Variants in RYK observed in about 807,000 individuals in gnomAD.
RYK encodes inactive tyrosine-protein kinase RYK.
In RYK, 21 loss-of-function variants were observed where a neutral mutation model predicts 70.2. The observed-to-expected ratio is 0.30, with a 90% CI of 0.21 to 0.43. The LOEUF (loss-of-function observed/expected upper bound fraction) is 0.43, where lower values mean the gene tolerates loss of function less well. Among genes scored for constraint, RYK ranks in the 20% least tolerant of loss-of-function variants. The pLI is 1.00. For synonymous variants in RYK, 267 were observed against 278.0 expected, an observed-to-expected ratio of 0.96 and a Z score of 0.39; for missense variants, 604 against 753.3, an observed-to-expected ratio of 0.80 and a Z score of 2.32.
rs61441674 is a variant in RYK, at chr3:134,216,792, CAAAAAAAAAAAAAAAA to C, written c.355-5201_355-5186del. On this transcript the variant is annotated intron_variant, in intron 2 of 14. Transcript: ENST00000623711. ...TGGGCGACAGAGTGAGACTCTGTCT[CAAAAAAAAAAAAAAAA>C]AAAAAAAAAAAAAGCTACTGACACT... Among the ~76,000 whole-genome samples the C allele has an allele frequency of 1.3e-4, 5 of 37,426 alleles. 1 individual carries two copies. In the Admixed American group the frequency reaches 1.8e-3, roughly 13 times the overall value. 24.6% of individuals were successfully genotyped at this position (37,426 alleles called of 152,430 possible).
intron 2 of RYK, among the ~76,000 whole-genome samples, chr3:134,215,485 A>C (rs2014523623): frequency 6.6e-6 from 1 of 152,230 alleles, no homozygotes; most frequent in African/African-American, 2.4e-5. Flanking sequence ...AGGCATTCAC[A>C]AGGTAGTTCT....
At chr3:134,166,640 T>C (rs1400517671) in intron 13 of RYK, among the ~76,000 whole-genome samples, 2 of 152,208 alleles carry the variant, frequency 1.3e-5, no homozygotes, top group African/African-American at 4.8e-5. Flanking sequence ...ATCAGATGCA[T>C]AGACATTACT....
chr3:134,161,737 C>T (rs2108139190), intron 13 of RYK, among the ~76,000 whole-genome samples: 1 of 152,282 alleles, frequency 6.6e-6, no homozygotes, highest in African/African-American at 2.4e-5. Context: ...TATAGCCCTA[C>T]ATCTATTAAA....
At chr3:134,243,042 T>C (rs561303601) in intron 1 of RYK, among the ~76,000 whole-genome samples, 2 of 152,318 alleles carry the variant, frequency 1.3e-5, no homozygotes, top group East Asian at 3.9e-4. Context: ...GCCAGACTCA[T>C]GGGCAGAGGA....
intron 1 of RYK, among the ~76,000 whole-genome samples, chr3:134,223,862 A>G (rs1413435704): frequency 6.6e-6 from 1 of 152,236 alleles, no homozygotes; most frequent in African/African-American, 2.4e-5. Flanking sequence ...GTATGCAGAG[A>G]GGTCAAGATG....
chr3:134,161,800 T>C (rs1040465384), intron 13 of RYK, among the ~76,000 whole-genome samples: 40 of 151,188 alleles, frequency 2.6e-4, no homozygotes, highest in African/African-American at 9.4e-4. Flanking sequence ...CAACACTGTT[T>C]GGTGAATTCT....
At position 134,157,638 on chromosome 3, in the gene RYK, A is replaced by G. The variant is rs1164280283; in HGVS notation, c.*515T>C. 1 of 152,596 alleles carries G rather than the reference A, an allele frequency of 6.6e-6. No homozygotes were observed. Among genetic ancestry groups the G allele is most frequent in the East Asian group, 1.9e-4 (1 of 5,186 alleles). The allele number at this position is 152,596 out of a possible 1,614,324, so 9.5% of individuals were successfully genotyped here. ...CCTCTAATATTGCCTTTTCTTGTAC[A>G]AGGCAGACCAGGTATCTTTTTATGC... On this transcript the variant is annotated 3_prime_UTR_variant, in exon 15 of 15. Transcript: ENST00000623711.
intron 6 of RYK, among the ~76,000 whole-genome samples, chr3:134,199,724 T>C (rs1054374469): frequency 6.6e-6 from 1 of 152,116 alleles, no homozygotes; most frequent in Non-Finnish European, 1.5e-5. Flanking sequence ...TAATAAATAA[T>C]TGTTAATAGG....
chr3:134,212,147 T>A (rs1036195738), intron 2 of RYK, among the ~76,000 whole-genome samples: 17 of 151,506 alleles, frequency 1.1e-4, no homozygotes, highest in Admixed American at 2.0e-4. Context: ...AAAGTTCATG[T>A]TTAGATCCCC....
chr3:134,176,978 G>A (rs546798060), intron 11 of RYK, among the ~76,000 whole-genome samples: 1 of 152,052 alleles, frequency 6.6e-6, no homozygotes, highest in Non-Finnish European at 1.5e-5. Context: ...AACCTGGGAG[G>A]CAGAGCTGGC....
chr3:134,210,901 G>A (rs1291760572), intron 3 of RYK, among the ~76,000 whole-genome samples: 1 of 152,140 alleles, frequency 6.6e-6, no homozygotes, highest in East Asian at 1.9e-4. Context: ...CAGATCTTGA[G>A]TCTTGCAGAA....
At position 134,202,792 on chromosome 3, in the gene RYK, G is replaced by A. The variant is rs372270522; in HGVS notation, c.726C>T (p.Leu242=). 4.3e-5 allele frequency: 70 copies of A among 1,611,982 alleles called. No homozygotes were observed. In the Middle Eastern group the frequency reaches 8.3e-4, roughly 19 times the overall value. ...SVGVCCAVIF[L]VAIILAVLHL... is the part of the protein sequence containing the mutation. ...GCAAAACAGCTAATATTATTGCTAC[G>A]AGAAATATTACTGCACAACAAACCC... The change falls in exon 6 of 15, where the codon CTC becomes CTT. Residue 242 remains leucine, a synonymous_variant. Transcript: ENST00000623711.
intron 1 of RYK, among the ~76,000 whole-genome samples, chr3:134,249,594 C>T (rs1400028933): frequency 6.6e-6 from 1 of 151,998 alleles, no homozygotes; most frequent in African/African-American, 2.4e-5. Context: ...ACATAAGACC[C>T]CAGCAATTTT....
intron 6 of RYK, among the ~76,000 whole-genome samples, chr3:134,201,729 G>A (rs368131921): frequency 9.2e-5 from 14 of 152,294 alleles, no homozygotes; most frequent in African/African-American, 3.1e-4. Context: ...AGGAATAAGT[G>A]ATCATTTGAC....
intron 6 of RYK, among the ~76,000 whole-genome samples, chr3:134,202,141 T>C (rs1285252188): frequency 6.6e-6 from 1 of 152,196 alleles, no homozygotes; most frequent in Non-Finnish European, 1.5e-5. Context: ...TAGCATAGTA[T>C]CTAACCCAGT....
chr3:134,159,185 C>T, intron 14 of RYK, 52 bp downstream of exon 14: 1 of 1,586,334 alleles, frequency 6.3e-7, no homozygotes, highest in Non-Finnish European at 8.6e-7. Context: ...TTCCTTTATT[C>T]CAATATAGTA....
chr3:134,159,460 TAAC>T (rs1480220322), intron 13 of RYK, 87 bp from the exon 14 acceptor site: 1 of 1,295,932 alleles, frequency 7.7e-7, no homozygotes, highest in Non-Finnish European at 1.0e-6. Flanking sequence ...GGACAAAAAA[TAAC>T]AGCTCAACTC....
intron 1 of RYK, among the ~76,000 whole-genome samples, chr3:134,240,758 G>T (rs1449911672): frequency 6.6e-6 from 1 of 152,152 alleles, no homozygotes; most frequent in East Asian, 1.9e-4. Flanking sequence ...ACAAATTTTA[G>T]TATGTGTGGA....
At chr3:134,216,404 G>A (rs552901341) in intron 2 of RYK, among the ~76,000 whole-genome samples, 2 of 151,312 alleles carry the variant, frequency 1.3e-5, no homozygotes, top group South Asian at 4.2e-4. Context: ...AAATGATGAC[G>A]AATTCCTGAA....
Sources: gnomAD v4.1 joint callset for allele counts (sites outside exome capture counted in the v4.1 genomes callset) on GRCh38, gnomAD v4.1.1 for gene constraint, MANE v1.5 for transcripts, NCBI Gene and HGNC (gene_info 2026-07-23, HGNC 2026-07-21) for gene names.